The following EXOC4 variants were observed in gnomAD, a reference collection of about 807,000 sequenced individuals.
EXOC4 encodes exocyst complex component 4.
Under a neutral mutation model 107.2 loss-of-function variants are expected in EXOC4, and 71 were observed. The ratio of observed to expected loss-of-function variants is 0.66; its 90% CI spans 0.55 to 0.81. EXOC4 has a LOEUF of 0.81. Among genes scored for constraint, EXOC4 ranks in the 30% least tolerant of loss-of-function variants. The pLI, the probability that EXOC4 is intolerant of heterozygous loss-of-function variation, is 0.00. For synonymous variants in EXOC4, 456 were observed against 441.2 expected, an observed-to-expected ratio of 1.03 and a Z score of -0.42; for missense variants, 1,108 against 1,189.6, an observed-to-expected ratio of 0.93 and a Z score of 1.01.
chr7:133,680,324 G>A (rs992827520), intron 10 of EXOC4, among the ~76,000 whole-genome samples: 2 of 151,884 alleles, frequency 1.3e-5, no homozygotes, highest in African/African-American at 4.8e-5. Flanking sequence ...TTCTAAAGTT[G>A]ATTTAACAAT....
intron 10 of EXOC4, among the ~76,000 whole-genome samples, chr7:133,784,552 A>G (rs1420188725): frequency 6.6e-6 from 1 of 152,220 alleles, no homozygotes; most frequent in Non-Finnish European, 1.5e-5. Flanking sequence ...GGGAGCTGAC[A>G]GTCCAGGCTA....
chr7:133,305,811 C>A, intron 3 of EXOC4, 66 bp from the exon 4 acceptor site: 2 of 1,364,574 alleles, frequency 1.5e-6, no homozygotes, highest in African/African-American at 1.5e-5. Flanking sequence ...AGACGTCTTT[C>A]TTATTTATAA....
chr7:133,270,200 T>C (rs1192193740), intron 1 of EXOC4, among the ~76,000 whole-genome samples: 4 of 152,210 alleles, frequency 2.6e-5, no homozygotes, highest in Non-Finnish European at 5.9e-5. Flanking sequence ...GCCATGATTA[T>C]GAGGCCTCCC....
chr7:133,859,880 A>G (rs1798496749), intron 11 of EXOC4, among the ~76,000 whole-genome samples: 1 of 152,158 alleles, frequency 6.6e-6, no homozygotes, highest in Admixed American at 6.6e-5. Flanking sequence ...CGATGTTGCT[A>G]TTGTTTGGTA....
intron 10 of EXOC4, among the ~76,000 whole-genome samples, chr7:133,748,266 G>A (rs1397626350): frequency 6.6e-6 from 1 of 152,086 alleles, no homozygotes; most frequent in Non-Finnish European, 1.5e-5. Context: ...TGAACCTGAG[G>A]ATTTTTTTTC....
chr7:133,697,265 T>C (rs1794556524), intron 10 of EXOC4, among the ~76,000 whole-genome samples: 1 of 152,230 alleles, frequency 6.6e-6, no homozygotes, highest in Non-Finnish European at 1.5e-5. Context: ...TTTTTTTAAA[T>C]TTTTTGTTTC....
Position 133,559,458 on chromosome 7 carries a change from T to G in EXOC4, c.1418-70587T>G, listed in dbSNP as rs987650140. 2.8e-4 allele frequency among the ~76,000 whole-genome samples: 43 copies of G among 152,164 alleles called. 1 individual carries two copies. The highest frequency in any genetic ancestry group is 9.2e-4 in the African/African-American group (38 of 41,454). ...GATATTGATTTAATTTTTCCTGATG[T>G]AAAAAAGGGTCTCAGTATCTTTTGT... On this transcript the variant is annotated intron_variant, in intron 9 of 17. Transcript: ENST00000253861.
At chr7:134,049,175 G>C (rs2116569700) in intron 17 of EXOC4, among the ~76,000 whole-genome samples, 1 of 152,244 alleles carries the variant, frequency 6.6e-6, no homozygotes, top group South Asian at 2.1e-4. Context: ...TAACCTTTTT[G>C]TTCTGAGATT....
chr7:133,603,249 G>A (rs1801849127), intron 9 of EXOC4, among the ~76,000 whole-genome samples: 2 of 152,080 alleles, frequency 1.3e-5, no homozygotes, highest in African/African-American at 4.8e-5. Flanking sequence ...TTTCTCTCTA[G>A]GTGCCATACT....
At chr7:133,738,595 TTGTGACC>T (rs1795497403) in intron 10 of EXOC4, among the ~76,000 whole-genome samples, 1 of 152,232 alleles carries the variant, frequency 6.6e-6, no homozygotes, top group African/African-American at 2.4e-5. Context: ...GTTCCAGTCA[TTGTGACC>T]TGTTTTTCAT....
intron 6 of EXOC4, among the ~76,000 whole-genome samples, chr7:133,360,732 T>G (rs1187775805): frequency 6.6e-6 from 1 of 152,172 alleles, no homozygotes; most frequent in Non-Finnish European, 1.5e-5. Flanking sequence ...TTCATCTCTG[T>G]TTTGCACCTC....
chr7:133,951,610 G>C (rs761052373), intron 14 of EXOC4, among the ~76,000 whole-genome samples: 10 of 152,024 alleles, frequency 6.6e-5, no homozygotes, highest in African/African-American at 2.4e-4. Flanking sequence ...TTGATAGCTG[G>C]GTCATTCTGC....
At position 133,697,204 on chromosome 7, in the gene EXOC4, G is replaced by C. The variant is rs80344134; in HGVS notation, c.1514+67063G>C. On this transcript the variant is annotated intron_variant, in intron 10 of 17. Coordinates refer to ENST00000253861, the MANE Select transcript of EXOC4 (RefSeq NM_021807.4). Reference sequence around the variant, plus strand: ...AGATAAAGAGATTGTCCTTTCACTAGACTGGATATATCATATTCTTCCTTT... The same window carrying C: ...AGATAAAGAGATTGTCCTTTCACTACACTGGATATATCATATTCTTCCTTT... 7.2e-5 allele frequency among the ~76,000 whole-genome samples: 11 copies of C among 152,184 alleles called. No homozygotes were observed. In the East Asian group the frequency reaches 2.1e-3, roughly 29 times the overall value.
At chr7:133,688,136 G>A (rs972893397) in intron 10 of EXOC4, among the ~76,000 whole-genome samples, 10 of 152,132 alleles carry the variant, frequency 6.6e-5, no homozygotes, top group African/African-American at 2.2e-4. Flanking sequence ...GAAATGTCCC[G>A]AGGTCATTGT....
intron 6 of EXOC4, among the ~76,000 whole-genome samples, chr7:133,368,630 C>T (rs922398280): frequency 3.9e-5 from 6 of 152,078 alleles, no homozygotes; most frequent in Non-Finnish European, 8.8e-5. Context: ...TCTTGAAAGT[C>T]CCATGTCTAT....
At chr7:133,904,487 A>G (rs1254228162) in intron 12 of EXOC4, among the ~76,000 whole-genome samples, 5 of 152,166 alleles carry the variant, frequency 3.3e-5, no homozygotes, top group Non-Finnish European at 7.3e-5. Context: ...GGTTTTTGAC[A>G]TATTCTGGTC....
At position 134,019,966 on chromosome 7, in the gene EXOC4, T is replaced by C. The variant is rs1195277883; in HGVS notation, c.2687+12131T>C. On this transcript the variant is annotated intron_variant, in intron 17 of 17. Transcript: ENST00000253861. Reference sequence around the variant, plus strand: ...TGTTATGGGGTTGGTTTTGCTCAGCTGTCAGGTGTTCATGCTGCTTGTGGG... The same window carrying C: ...TGTTATGGGGTTGGTTTTGCTCAGCCGTCAGGTGTTCATGCTGCTTGTGGG... Among the ~76,000 whole-genome samples, 3 of 152,144 alleles carry C rather than the reference T, an allele frequency of 2.0e-5. No homozygotes were observed. The East Asian group carries it at 5.8e-4, about 29-fold the overall frequency.
intron 10 of EXOC4, among the ~76,000 whole-genome samples, chr7:133,680,671 C>G (rs1367635035): frequency 6.6e-6 from 1 of 152,178 alleles, no homozygotes; most frequent in African/African-American, 2.4e-5. Flanking sequence ...TCGCTAGGAC[C>G]TATGGAGCAA....
chr7:133,708,439 A>T, intron 10 of EXOC4, among the ~76,000 whole-genome samples: 1 of 152,230 alleles, frequency 6.6e-6, no homozygotes, highest in East Asian at 1.9e-4. Context: ...TTGACATTGA[A>T]TGGATTGGAA....
Sources: gnomAD v4.1 joint callset for allele counts (sites outside exome capture counted in the v4.1 genomes callset) on GRCh38, gnomAD v4.1.1 for gene constraint, MANE v1.5 for transcripts, NCBI Gene and HGNC (gene_info 2026-07-23, HGNC 2026-07-21) for gene names.